RAD9B: variants seen among roughly 807,000 people sequenced by gnomAD.
RAD9B encodes the protein RAD9 checkpoint clamp component B, also known as cell cycle checkpoint control protein RAD9B.
RAD9B carries 41 observed loss-of-function variants against 48.3 expected under a neutral mutation model. The observed-to-expected ratio is 0.85, with a 90% CI of 0.66 to 1.10. The LOEUF is 1.10. Among genes scored for constraint, RAD9B ranks in the 50% least tolerant of loss-of-function variants. RAD9B has a pLI of 0.00. For synonymous variants in RAD9B, 160 were observed against 157.9 expected, an observed-to-expected ratio of 1.01 and a Z score of -0.10; for missense variants, 444 against 485.1, an observed-to-expected ratio of 0.92 and a Z score of 0.80.
intron 10 of RAD9B, among the ~76,000 whole-genome samples, chr12:110,528,444 G>A (rs1450205916): frequency 6.6e-6 from 1 of 152,174 alleles, no homozygotes; most frequent in Admixed American, 6.5e-5. Context: ...GTAAAGACCC[G>A]CAGTGCCGCC....
chr12:110,506,780 T>C (rs575865891), intron 4 of RAD9B, 87 bp downstream of exon 4: 17 of 707,122 alleles, frequency 2.4e-5, no homozygotes, highest in African/African-American at 2.3e-4. Flanking sequence ...ATGTCAAGAT[T>C]TCTCGTTACA....
In RAD9B at chr12:110,519,915, A is replaced by C. The variant is rs1157071583; in HGVS notation, c.889A>C (p.Arg297=). 2.5e-6 allele frequency: 4 copies of C among 1,610,570 alleles called. No individual in the cohort carries two copies. Among genetic ancestry groups the C allele is most frequent in the East Asian group, 2.2e-5 (1 of 44,770 alleles). The change falls in exon 9 of 11, where the codon AGG becomes CGG. Residue 297 remains arginine (R), a splice_region_variant and synonymous_variant. Transcript: ENST00000409300. ...QSLCLSQKRK[R]SDLIEKKAGK... is the part of the protein sequence containing the mutation. ...ACTGTGTCTTTCACAGAAACGAAAA[A>C]GGTAAGACTGTGTTTTAACTTCTTT...
In RAD9B at chr12:110,533,259, A is replaced by G. The variant is rs1310466645; in HGVS notation, c.*2606A>G. ...AAGCACACAGATTAGTATAAATACT[A>G]TATTTATTAAATATCTTTACAGTTT... On this transcript the variant is annotated 3_prime_UTR_variant, in exon 11 of 11. Coordinates refer to ENST00000409300, the MANE Select transcript of RAD9B (RefSeq NM_001286535.2). 2.0e-5 allele frequency: 3 copies of G among 152,236 alleles called. No homozygotes were observed. The highest frequency in any genetic ancestry group is 7.2e-5 in the African/African-American group (3 of 41,458). The allele number at this position is 152,236 out of a possible 1,614,324, so 9.4% of individuals were successfully genotyped here. A position where few individuals can be genotyped will look rare whatever the true frequency, so the allele number is the denominator to read the frequency against.
At chr12:110,507,487 A>T (rs1222389394) in intron 4 of RAD9B, among the ~76,000 whole-genome samples, 2 of 11,922 alleles carry the variant, frequency 1.7e-4, no homozygotes, top group Non-Finnish European at 3.4e-4. Flanking sequence ...ATTAAATATA[A>T]TACATAATAT....
Position 110,531,803 on chromosome 12 carries a change from C to T in RAD9B, c.*1150C>T. 1.7e-6 allele frequency: 1 copy of T among 581,418 alleles called. No homozygotes were observed. The highest frequency in any genetic ancestry group is 2.2e-5 in the South Asian group (1 of 44,928). 36.0% of individuals were successfully genotyped at this position (581,418 alleles called of 1,614,324 possible). On this transcript the variant is annotated 3_prime_UTR_variant, in exon 11 of 11. Coordinates refer to ENST00000409300, the MANE Select transcript of RAD9B (RefSeq NM_001286535.2). Reference sequence around the variant, plus strand: ...AATGTCTTATGATGTGTGCCTCTCCCTCCCCCAAACCTGTTTACAGTCAAT... The same window carrying T: ...AATGTCTTATGATGTGTGCCTCTCCTTCCCCCAAACCTGTTTACAGTCAAT...
rs932514428 is a variant in RAD9B, at chr12:110,531,266, C to T, written c.*613C>T. On this transcript the variant is annotated 3_prime_UTR_variant, in exon 11 of 11. Coordinates refer to ENST00000409300, the MANE Select transcript of RAD9B (RefSeq NM_001286535.2). The stretch of plus-strand genomic sequence containing the variant: ...CAAGTGCAGTGGTGCAATCTCTGCT[C>T]ACTGCAACATCTGCCTCCCAGGTCC... 149 of 597,618 alleles carry T rather than the reference C, an allele frequency of 2.5e-4. No homozygotes were observed. Among genetic ancestry groups the T allele is most frequent in the Non-Finnish European group, 3.3e-4 (143 of 436,652 alleles). The allele number at this position is 597,618 out of a possible 1,614,324, so 37.0% of individuals were successfully genotyped here.
At chr12:110,521,600 G>A (rs192504974) in intron 9 of RAD9B, among the ~76,000 whole-genome samples, 40 of 140,212 alleles carry the variant, frequency 2.9e-4, no homozygotes, top group African/African-American at 8.8e-4. Context: ...TTTGTCACCC[G>A]GGCTGGAGTG....
rs547552804 is a variant in RAD9B, at chr12:110,520,632, T to C, written c.890+716T>C. 7.1e-3 allele frequency among the ~76,000 whole-genome samples: 1,032 copies of C among 144,954 alleles called. 3 individuals are homozygous for C. Among genetic ancestry groups the C allele is most frequent in the Non-Finnish European group, 0.012 (791 of 65,372 alleles). On this transcript the variant is annotated intron_variant, in intron 9 of 10. Transcript: ENST00000409300. ...TAGCCATTGCTTTCTTGCTTTCTTT[T>C]TTTTTTTTTTTTTTGTTGTTTTTTT...
rs781524106 is a variant in RAD9B, at chr12:110,506,576, C to A, written c.274-3C>A. ...GTGCTTAATATGTATATTTCTGTTA[C>A]AGTCAATTTTGCCCATCTTTAGATG... On this transcript the variant is annotated splice_region_variant and splice_polypyrimidine_tract_variant and intron_variant, in intron 3 of 10. Coordinates refer to ENST00000409300, the MANE Select transcript of RAD9B (RefSeq NM_001286535.2). 9.7e-6 allele frequency: 13 copies of A among 1,345,070 alleles called. No individual in the cohort carries two copies. Among genetic ancestry groups the A allele is most frequent in the Non-Finnish European group, 1.3e-5 (12 of 936,626 alleles). The allele number at this position is 1,345,070 out of a possible 1,614,324, so 83.3% of individuals were successfully genotyped here.
chr12:110,503,693 A>T, intron 1 of RAD9B, 113 bp from the exon 2 acceptor site: 1 of 748,932 alleles, frequency 1.3e-6, no homozygotes, highest in Non-Finnish European at 2.3e-6. Flanking sequence ...AGTCTGTAAG[A>T]TACTGTTATT....
Position 110,531,724 on chromosome 12 carries a change from AGCT to A in RAD9B, c.*1072_*1074del, listed in dbSNP as rs757737874. On this transcript the variant is annotated 3_prime_UTR_variant, in exon 11 of 11. Coordinates refer to ENST00000409300, the MANE Select transcript of RAD9B (RefSeq NM_001286535.2). Reference sequence around the variant, plus strand: ...TCTGTTCTTTGGCCCTTTAAGAGTTAGCTTTTTACCTGCACAAATGGACTAAAA... The same window carrying A: ...TCTGTTCTTTGGCCCTTTAAGAGTTATTTTACCTGCACAAATGGACTAAAA... 42 of 1,238,936 alleles carry A rather than the reference AGCT, an allele frequency of 3.4e-5. No individual in the cohort carries two copies. The highest frequency in any genetic ancestry group is 4.8e-5 in the Non-Finnish European group (42 of 879,318). 76.7% of individuals were successfully genotyped at this position (1,238,936 alleles called of 1,614,324 possible).
intron 4 of RAD9B, among the ~76,000 whole-genome samples, chr12:110,508,668 C>A (rs1389460217): frequency 1.3e-5 from 2 of 152,202 alleles, no homozygotes; most frequent in Non-Finnish European, 2.9e-5. Context: ...CGTCATGTTG[C>A]CCAGGCTGGT....
intron 4 of RAD9B, among the ~76,000 whole-genome samples, chr12:110,511,162 C>G (rs898580758): frequency 6.6e-6 from 1 of 151,956 alleles, no homozygotes; most frequent in Non-Finnish European, 1.5e-5. Flanking sequence ...AAGAAACTAC[C>G]TGTATTTTGG....
rs2064101690 is a variant in RAD9B, at chr12:110,530,427, A to C, written c.1126-98A>C. ...CCATCACCAGCAAAGACAGGGATATAATACTGGTCAGGTTTCTGAGGAGGG... is the reference window on the plus strand; with the variant it reads ...CCATCACCAGCAAAGACAGGGATATCATACTGGTCAGGTTTCTGAGGAGGG... On this transcript the variant is annotated intron_variant, in intron 10 of 10. Coordinates refer to ENST00000409300, the MANE Select transcript of RAD9B (RefSeq NM_001286535.2). 5 of 1,071,632 alleles carry C rather than the reference A, an allele frequency of 4.7e-6. No individual in the cohort carries two copies. The East Asian group carries it at 1.2e-4, about 25-fold the overall frequency. 66.4% of individuals were successfully genotyped at this position (1,071,632 alleles called of 1,614,324 possible). A position where few individuals can be genotyped will look rare whatever the true frequency, so the allele number is the denominator to read the frequency against.
rs1339994077 is a variant in RAD9B, at chr12:110,530,659, A to C, written c.*6A>C. 5 of 1,613,598 alleles carry C rather than the reference A, an allele frequency of 3.1e-6. No individual in the cohort carries two copies. Among genetic ancestry groups the C allele is most frequent in the South Asian group, 1.1e-5 (1 of 91,068 alleles). ...GCAGTTTCTCTATATTCTAATGCTTAATGATGGCTGAGCTGGGCCCCAGCC... is the reference window on the plus strand; with the variant it reads ...GCAGTTTCTCTATATTCTAATGCTTCATGATGGCTGAGCTGGGCCCCAGCC... On this transcript the variant is annotated 3_prime_UTR_variant, in exon 11 of 11. Coordinates refer to ENST00000409300, the MANE Select transcript of RAD9B (RefSeq NM_001286535.2).
intron 10 of RAD9B, among the ~76,000 whole-genome samples, chr12:110,527,009 G>T (rs1194421356): frequency 6.6e-6 from 1 of 152,088 alleles, no homozygotes; most frequent in Non-Finnish European, 1.5e-5. Context: ...AAATTTAGTG[G>T]CTTGAAACAA....
intron 6 of RAD9B, among the ~76,000 whole-genome samples, chr12:110,515,450 C>G (rs544248666): frequency 1.3e-5 from 2 of 151,994 alleles, no homozygotes; most frequent in Non-Finnish European, 2.9e-5. Context: ...TACCTGAGGT[C>G]GGGAGTTCGA....
chr12:110,510,101 C>T (rs1156273240), intron 4 of RAD9B, among the ~76,000 whole-genome samples: 1 of 152,156 alleles, frequency 6.6e-6, no homozygotes, highest in Non-Finnish European at 1.5e-5. Flanking sequence ...CCCATTTTAC[C>T]CAGGGTAAAA....
chr12:110,520,092 A>C (rs538800075), intron 9 of RAD9B, among the ~76,000 whole-genome samples, 176 bp downstream of exon 9: 2 of 152,338 alleles, frequency 1.3e-5, no homozygotes, highest in South Asian at 2.1e-4. Flanking sequence ...AAACATCACC[A>C]ATCTCGTGTC....
Sources: gnomAD v4.1 joint callset for allele counts (sites outside exome capture counted in the v4.1 genomes callset) on GRCh38, gnomAD v4.1.1 for gene constraint, MANE v1.5 for transcripts, NCBI Gene and HGNC (gene_info 2026-07-23, HGNC 2026-07-21) for gene names.